PPP1R14C: variants seen among roughly 807,000 people sequenced by gnomAD.
PPP1R14C encodes protein phosphatase 1 regulatory subunit 14C.
A neutral mutation model predicts 20.4 loss-of-function variants in PPP1R14C; 16 were observed. That is an observed-to-expected ratio of 0.78 (90% confidence interval 0.53 to 1.19). PPP1R14C has a LOEUF of 1.19. Among genes scored for constraint, PPP1R14C ranks in the 50% most tolerant of loss-of-function variants. PPP1R14C has a pLI of 0.00. For synonymous variants in PPP1R14C, 91 were observed against 91.0 expected (o/e 1.00, Z 0.00); for missense variants, 211 against 220.1 (o/e 0.96, Z 0.26).
At position 150,248,798 on chromosome 6, in the gene PPP1R14C, C is replaced by T; in HGVS notation, c.476C>T (p.Pro159Leu). 6.2e-7 allele frequency: 1 copy of T among 1,612,692 alleles called. No individual in the cohort carries two copies. The highest frequency in any genetic ancestry group is 8.5e-7 in the Non-Finnish European group (1 of 1,178,838). Reference sequence around the variant, plus strand: ...ATAAGAGGCATGAGGAAACTGAGCCCTCCGCAGAAGAAGAGTGTATGATTC... The same window carrying T: ...ATAAGAGGCATGAGGAAACTGAGCCTTCCGCAGAAGAAGAGTGTATGATTC... ...SRIRGMRKLSPPQKKSV is the reference protein window; with the variant it reads ...SRIRGMRKLSLPQKKSV Residue 159 changes from proline to leucine, a missense_variant, in exon 4 of 4, where the codon CCT (proline) becomes CTT (leucine). By Grantham distance (98) the Pro-to-Leu change is moderately conservative. Transcript: ENST00000361131.
chr6:150,219,614 A>C (rs956152346), intron 3 of PPP1R14C, among the ~76,000 whole-genome samples: 1 of 152,128 alleles, frequency 6.6e-6, no homozygotes, highest in Admixed American at 6.5e-5. Context: ...TGACTGTTCA[A>C]TCACATCATT....
At chr6:150,223,555 G>A (rs1778194578) in intron 3 of PPP1R14C, among the ~76,000 whole-genome samples, 2 of 152,156 alleles carry the variant, frequency 1.3e-5, no homozygotes, top group African/African-American at 2.4e-5. Flanking sequence ...GTGTGTAGTG[G>A]TATCTCATTA....
intron 3 of PPP1R14C, among the ~76,000 whole-genome samples, chr6:150,226,046 G>A (rs1444349964): frequency 3.3e-5 from 5 of 152,126 alleles, no homozygotes; most frequent in East Asian, 1.9e-4. Flanking sequence ...ATGGGCCACT[G>A]GCCAATAGGG....
chr6:150,144,598 A>G (rs1276316699), intron 1 of PPP1R14C, among the ~76,000 whole-genome samples: 1 of 152,246 alleles, frequency 6.6e-6, no homozygotes, highest in Non-Finnish European at 1.5e-5. Context: ...TGACAACCAG[A>G]TGAACTCACA....
intron 1 of PPP1R14C, among the ~76,000 whole-genome samples, chr6:150,144,226 G>A (rs1186178309): frequency 6.6e-6 from 1 of 152,198 alleles, no homozygotes; most frequent in Non-Finnish European, 1.5e-5. Flanking sequence ...AAGGGCGGGA[G>A]CCCTGCGGGG....
intron 1 of PPP1R14C, among the ~76,000 whole-genome samples, chr6:150,160,267 T>A (rs1468416112): frequency 1.6e-5 from 1 of 63,106 alleles, no homozygotes; most frequent in Non-Finnish European, 4.0e-5. Context: ...TTTTTTTTTT[T>A]TTTTTTTTTT....
intron 1 of PPP1R14C, among the ~76,000 whole-genome samples, chr6:150,168,049 C>T (rs1202045595): frequency 2.1e-5 from 1 of 48,312 alleles, no homozygotes; most frequent in African/African-American, 9.7e-5. Context: ...CCCGACTCTC[C>T]TCTCCCCCAC....
At chr6:150,202,156 G>A (rs73007966) in intron 1 of PPP1R14C, among the ~76,000 whole-genome samples, 32,639 of 152,142 alleles carry the variant, frequency 0.21, 4,221 homozygotes, top group Non-Finnish European at 0.29. Flanking sequence ...TGTGGTGTGA[G>A]GAAGGTAGTG....
chr6:150,241,701 A>G (rs946171696), intron 3 of PPP1R14C, among the ~76,000 whole-genome samples: 1 of 152,206 alleles, frequency 6.6e-6, no homozygotes. Flanking sequence ...AGCCTAGCCA[A>G]CATGGCGAAA....
chr6:150,210,771 C>T (rs984598851), intron 1 of PPP1R14C, among the ~76,000 whole-genome samples: 2 of 152,286 alleles, frequency 1.3e-5, no homozygotes, highest in Non-Finnish European at 2.9e-5. Context: ...TAGAAGGTGA[C>T]AGGAGGTGGG....
At chr6:150,174,978 A>G (rs1325244095) in intron 1 of PPP1R14C, among the ~76,000 whole-genome samples, 1 of 152,084 alleles carries the variant, frequency 6.6e-6, no homozygotes, top group African/African-American at 2.4e-5. Flanking sequence ...AAAAAAAAAA[A>G]AAAGTAGTGA....
Position 150,143,159 on chromosome 6 carries a change from T to A in PPP1R14C, c.-34T>A. 8.0e-7 allele frequency: 1 copy of A among 1,247,144 alleles called. No homozygotes were observed. 77.3% of individuals were successfully genotyped at this position (1,247,144 alleles called of 1,614,324 possible). A position where few individuals can be genotyped will look rare whatever the true frequency, so the allele number is the denominator to read the frequency against. ...CCGGGCGCGCTCCGCCCGCCCCTCC[T>A]CCGGGCCGCACTGAGGCTCGGGCGC... On this transcript the variant is annotated 5_prime_UTR_variant, in exon 1 of 4. Coordinates refer to ENST00000361131, the MANE Select transcript of PPP1R14C (RefSeq NM_030949.3). This position sits in a 1 kb window ranked among gnomAD's most constrained non-coding sequence, Gnocchi z 5.6.
At chr6:150,242,618 G>A (rs1342001229) in intron 3 of PPP1R14C, among the ~76,000 whole-genome samples, 1 of 152,184 alleles carries the variant, frequency 6.6e-6, no homozygotes, top group Admixed American at 6.5e-5. Context: ...GCTGGTGAAG[G>A]ACTGAATGCT....
At chr6:150,175,094 A>G (rs1167945440) in intron 1 of PPP1R14C, among the ~76,000 whole-genome samples, 1 of 152,216 alleles carries the variant, frequency 6.6e-6, no homozygotes, top group Non-Finnish European at 1.5e-5. Context: ...CCAAATAATA[A>G]AACCAGAAAC....
intron 3 of PPP1R14C, among the ~76,000 whole-genome samples, chr6:150,245,177 C>T (rs1215605539): frequency 6.6e-6 from 1 of 152,188 alleles, no homozygotes; most frequent in Non-Finnish European, 1.5e-5. Flanking sequence ...CTGGCTCTGC[C>T]TCCTAAATGG....
At chr6:150,209,170 A>T (rs1034742249) in intron 1 of PPP1R14C, among the ~76,000 whole-genome samples, 2 of 152,150 alleles carry the variant, frequency 1.3e-5, no homozygotes, top group Non-Finnish European at 2.9e-5. Context: ...TTACGTTGCC[A>T]TCCCTATTTT....
intron 1 of PPP1R14C, among the ~76,000 whole-genome samples, chr6:150,199,093 C>T (rs908191540): frequency 3.9e-5 from 6 of 151,958 alleles, no homozygotes; most frequent in Admixed American, 3.9e-4. Flanking sequence ...GAGGCTAATG[C>T]CTGTGGCTCC....
At chr6:150,154,398 C>T (rs1044901839) in intron 1 of PPP1R14C, among the ~76,000 whole-genome samples, 8 of 152,160 alleles carry the variant, frequency 5.3e-5, no homozygotes, top group Non-Finnish European at 1.2e-4. Flanking sequence ...CCGTCCTAGT[C>T]GGGCCACCGC....
rs370200653 is a variant in PPP1R14C at position 150,214,791 on chromosome 6, T to A, written c.354T>A (p.Asp118Glu). ...EVEIDIDDLL[D>E]ADSDEERASK... Reference sequence around the variant, plus strand: ...AAATTGACATTGATGATCTTCTTGATGCAGACAGTGATGAAGAGAGAGCTT... The same window carrying A: ...AAATTGACATTGATGATCTTCTTGAAGCAGACAGTGATGAAGAGAGAGCTT... The change falls in exon 2 of 4, where the codon GAT (aspartate) becomes GAA (glutamate). Residue 118 changes from aspartate (D) to glutamate (E), a missense_variant. Transcript: ENST00000361131. The A allele has an allele frequency of 1.2e-6, 2 of 1,613,048 alleles. No individual in the cohort carries two copies. The highest frequency in any genetic ancestry group is 8.5e-7 in the Non-Finnish European group (1 of 1,179,582).
Sources: allele counts gnomAD v4.1 joint callset (sites outside exome capture counted in the v4.1 genomes callset), GRCh38; gene constraint gnomAD v4.1.1; non-coding constraint Gnocchi (gnomAD v3.1); transcripts MANE v1.5; gene names NCBI Gene and HGNC (gene_info 2026-07-23, HGNC 2026-07-21).